KCNIP1: variants seen among roughly 807,000 people sequenced by gnomAD.
KCNIP1 encodes A-type potassium channel modulatory protein KCNIP1.
A neutral mutation model predicts 33.0 loss-of-function variants in KCNIP1; 18 were observed. The observed-to-expected ratio is 0.55, with a 90% confidence interval of 0.38 to 0.81. KCNIP1 has a LOEUF of 0.81. Among genes scored for constraint, KCNIP1 ranks in the 30% least tolerant of loss-of-function variants. KCNIP1 has a pLI of 0.00. For missense variants in KCNIP1, 238 were observed against 271.6 expected, an observed-to-expected ratio of 0.88 and a Z score of 0.87; for synonymous variants, 93 against 98.3, an observed-to-expected ratio of 0.95 and a Z score of 0.32.
chr5:170,543,740 T>C (rs1419138181), intron 1 of KCNIP1, among the ~76,000 whole-genome samples: 2 of 152,254 alleles, frequency 1.3e-5, no homozygotes, highest in African/African-American at 2.4e-5. Flanking sequence ...GGTTGCTAAC[T>C]AGTTTAACTC....
chr5:170,526,954 C>A (rs1461992984), intron 1 of KCNIP1, among the ~76,000 whole-genome samples: 8 of 152,098 alleles, frequency 5.3e-5, no homozygotes, highest in Admixed American at 5.2e-4. Context: ...AATTCCTGAC[C>A]TCAGGTGATC....
At chr5:170,646,195 A>G (rs897986075) in intron 1 of KCNIP1, among the ~76,000 whole-genome samples, 1 of 152,170 alleles carries the variant, frequency 6.6e-6, no homozygotes, top group Non-Finnish European at 1.5e-5. Context: ...ATTCTCTACA[A>G]TCTCTTCTAG....
At chr5:170,411,087 G>A (rs1395139807) in intron 1 of KCNIP1, among the ~76,000 whole-genome samples, 1 of 152,236 alleles carries the variant, frequency 6.6e-6, no homozygotes, top group Non-Finnish European at 1.5e-5. Flanking sequence ...GGGAAACAGA[G>A]CCAGCTCTAT....
chr5:170,498,937 C>T (rs193137769), intron 1 of KCNIP1, among the ~76,000 whole-genome samples: 1 of 152,248 alleles, frequency 6.6e-6, no homozygotes, highest in East Asian at 1.9e-4. Flanking sequence ...ACACCCTTTC[C>T]CCTGCCCTGA....
At chr5:170,564,313 G>C (rs535516171) in intron 1 of KCNIP1, among the ~76,000 whole-genome samples, 18 of 152,036 alleles carry the variant, frequency 1.2e-4, no homozygotes, top group African/African-American at 4.1e-4. Context: ...ATCTTCTCCC[G>C]CCTCTGCTCA....
chr5:170,632,176 G>A (rs1022627974), intron 1 of KCNIP1, among the ~76,000 whole-genome samples: 1 of 152,180 alleles, frequency 6.6e-6, no homozygotes, highest in African/African-American at 2.4e-5. Flanking sequence ...GGCTCTCGGA[G>A]CCTTTGCTTC....
chr5:170,384,687 T>C (rs1016173067), intron 1 of KCNIP1, among the ~76,000 whole-genome samples: 5 of 152,226 alleles, frequency 3.3e-5, no homozygotes, highest in Admixed American at 2.6e-4. Flanking sequence ...GAACTGAGTG[T>C]CTTTGTTCCA....
chr5:170,440,744 T>C (rs528590460), intron 1 of KCNIP1, among the ~76,000 whole-genome samples: 55 of 152,330 alleles, frequency 3.6e-4, no homozygotes, highest in Non-Finnish European at 7.2e-4. Flanking sequence ...TGCTTATCTC[T>C]GAAGTGCAGA....
chr5:170,597,677 G>T (rs1014133706), intron 1 of KCNIP1, among the ~76,000 whole-genome samples: 1 of 151,768 alleles, frequency 6.6e-6, no homozygotes, highest in Non-Finnish European at 1.5e-5. Flanking sequence ...TGTCATGGCT[G>T]ATCTAGAGCC....
chr5:170,545,765 A>G (rs1243211820), intron 1 of KCNIP1, among the ~76,000 whole-genome samples: 2 of 151,694 alleles, frequency 1.3e-5, no homozygotes, highest in African/African-American at 2.4e-5. Flanking sequence ...CTTTTTCTCT[A>G]TTCTCTTTAA....
chr5:170,540,851 G>C (rs1002250278), intron 1 of KCNIP1, among the ~76,000 whole-genome samples: 3 of 152,274 alleles, frequency 2.0e-5, no homozygotes, highest in African/African-American at 7.2e-5. Flanking sequence ...CACTTCCCCT[G>C]GTAGAGAAGG....
chr5:170,390,539 T>TATATATA (rs1581143220), intron 1 of KCNIP1, among the ~76,000 whole-genome samples: 1 of 133,778 alleles, frequency 7.5e-6, no homozygotes, highest in African/African-American at 3.0e-5. Context: ...TATATATATA[T>TATATATA]TTTCAACAAA....
chr5:170,734,269 T>A (rs772701018), intron 7 of KCNIP1, among the ~76,000 whole-genome samples: 1 of 152,088 alleles, frequency 6.6e-6, no homozygotes, highest in Non-Finnish European at 1.5e-5. Context: ...AAACCTACAA[T>A]TGTGTGATTC....
chr5:170,554,307 G>A (rs2113431526), intron 1 of KCNIP1, among the ~76,000 whole-genome samples: 1 of 152,300 alleles, frequency 6.6e-6, no homozygotes, highest in South Asian at 2.1e-4. Flanking sequence ...GCTCCCTGGA[G>A]CCTCCGAGAG....
chr5:170,354,622 A>G lies in KCNIP1; in HGVS notation c.88+658A>G, dbSNP rs547851151. Among the ~76,000 whole-genome samples, 6 of 152,336 alleles carry G rather than the reference A, an allele frequency of 3.9e-5. No individual in the cohort carries two copies. The South Asian group carries it at 1.2e-3, about 32-fold the overall frequency. On this transcript the variant is annotated intron_variant, in intron 1 of 7. Coordinates refer to the KCNIP1 transcript ENST00000377360. Reference sequence around the variant, plus strand: ...GGGGTGGCAGGTGGTTTGCAGGAGTAACTGTCTGGGCAGATCAGAAAGTGT... The same window carrying G: ...GGGGTGGCAGGTGGTTTGCAGGAGTGACTGTCTGGGCAGATCAGAAAGTGT...
At chr5:170,646,712 A>G (rs1561739924) in intron 1 of KCNIP1, among the ~76,000 whole-genome samples, 1 of 152,144 alleles carries the variant, frequency 6.6e-6, no homozygotes, top group Non-Finnish European at 1.5e-5. Context: ...CTCCTTTTCA[A>G]CATCATATTG....
At chr5:170,642,354 C>T (rs1676997288) in intron 1 of KCNIP1, among the ~76,000 whole-genome samples, 1 of 152,170 alleles carries the variant, frequency 6.6e-6, no homozygotes, top group Non-Finnish European at 1.5e-5. Flanking sequence ...ATGTAGTGAG[C>T]ACCGACTGTG....
At chr5:170,422,902 A>G (rs1719099509) in intron 1 of KCNIP1, 1 of 152,236 alleles carries the variant, frequency 6.6e-6, no homozygotes, top group South Asian at 2.1e-4. Context: ...CCTGGGCAAC[A>G]TGACGAAACC....
At position 170,534,480 on chromosome 5, in the gene KCNIP1, G is replaced by A. The variant is rs765358017; in HGVS notation, c.61+29847G>A. Reference sequence around the variant, plus strand: ...AGAGAGGGAGAGGGAGAAGGAGGAGGAGGAGGAGGAGGAGGAGGAGAAGGA... The same window carrying A: ...AGAGAGGGAGAGGGAGAAGGAGGAGAAGGAGGAGGAGGAGGAGGAGAAGGA... On this transcript the variant is annotated intron_variant, in intron 1 of 7. Coordinates refer to ENST00000328939, the MANE Select transcript of KCNIP1 (RefSeq NM_014592.4). 4.8e-5 allele frequency among the ~76,000 whole-genome samples: 4 copies of A among 83,952 alleles called. No individual in the cohort carries two copies. In the African/African-American group the frequency reaches 5.9e-4, roughly 12 times the overall value. The allele number at this position is 83,952 out of a possible 152,430, so 55.1% of individuals were successfully genotyped here. A position where few individuals can be genotyped will look rare whatever the true frequency, so the allele number is the denominator to read the frequency against.
Sources: allele counts gnomAD v4.1 joint callset (sites outside exome capture counted in the v4.1 genomes callset), GRCh38; gene constraint gnomAD v4.1.1; transcripts MANE v1.5; gene names NCBI Gene and HGNC (gene_info 2026-07-23, HGNC 2026-07-21).